Variants in RBFOX1 observed in about 807,000 individuals in gnomAD.
RBFOX1 encodes RNA binding protein fox-1 homolog 1.
In RBFOX1, 8 loss-of-function variants were observed where a neutral mutation model predicts 57.7. The ratio of observed to expected loss-of-function variants is 0.14; its 90% confidence interval spans 0.08 to 0.25. The LOEUF (loss-of-function observed/expected upper bound fraction) is 0.25, where lower values mean the gene tolerates loss of function less well. Among genes scored for constraint, RBFOX1 ranks in the 10% least tolerant of loss-of-function variants. The pLI is 1.00. For missense variants in RBFOX1, 611 were observed against 548.5 expected, an observed-to-expected ratio of 1.11 and a Z score of -1.14; for synonymous variants, 326 against 222.4, an observed-to-expected ratio of 1.47 and a Z score of -4.15.
chr16:7,298,087 T>C (rs2095938326), intron 4 of RBFOX1, among the ~76,000 whole-genome samples: 1 of 152,154 alleles, frequency 6.6e-6, no homozygotes, highest in African/African-American at 2.4e-5. Flanking sequence ...GAGAATTTTC[T>C]TAGAGATTTT....
At chr16:5,769,346 G>A (rs1342147719) in intron 3 of RBFOX1, among the ~76,000 whole-genome samples, 2 of 151,898 alleles carry the variant, frequency 1.3e-5, no homozygotes, top group Non-Finnish European at 2.9e-5. Flanking sequence ...TCCTTATAAG[G>A]AGGAGAAATT....
At chr16:6,868,096 A>C (rs185135032) in intron 3 of RBFOX1, among the ~76,000 whole-genome samples, 2 of 152,320 alleles carry the variant, frequency 1.3e-5, no homozygotes, top group African/African-American at 4.8e-5. Flanking sequence ...TAATATGTGA[A>C]ATTTTGATCA....
At position 7,630,592 on chromosome 16, in the gene RBFOX1, C is replaced by G. The variant is rs749389051; in HGVS notation, c.677-11C>G. 1 of 1,614,076 alleles carries G rather than the reference C, an allele frequency of 6.2e-7. No homozygotes were observed. The highest frequency in any genetic ancestry group is 8.5e-7 in the Non-Finnish European group (1 of 1,180,030). The stretch of plus-strand genomic sequence containing the variant: ...CCCAAACCAGATACCATCTCTCTCT[C>G]TCTTTCGTAGGCACGGTCCTGTTGT... On this transcript the variant is annotated splice_polypyrimidine_tract_variant and intron_variant, in intron 10 of 15. Coordinates refer to ENST00000550418, the MANE Select transcript of RBFOX1 (RefSeq NM_018723.4).
chr16:7,500,566 A>T (rs2070411938), intron 4 of RBFOX1, among the ~76,000 whole-genome samples: 1 of 152,180 alleles, frequency 6.6e-6, no homozygotes, highest in South Asian at 2.1e-4. Context: ...ATGGATGAAA[A>T]TATCTTAGGG....
intron 4 of RBFOX1, among the ~76,000 whole-genome samples, chr16:7,446,594 T>TAC (rs1382030186): frequency 6.6e-6 from 1 of 152,046 alleles, no homozygotes; most frequent in Non-Finnish European, 1.5e-5. Context: ...TAGTGTCCTA[T>TAC]AGTTCTCTTT....
intron 2 of RBFOX1, among the ~76,000 whole-genome samples, chr16:6,646,940 C>T (rs898498967): frequency 2.0e-5 from 3 of 152,148 alleles, no homozygotes; most frequent in Admixed American, 6.5e-5. Flanking sequence ...CGTCCTAGGA[C>T]TGGGCCTTAC....
intron 3 of RBFOX1, among the ~76,000 whole-genome samples, chr16:6,876,705 C>G (rs549597189): frequency 8.7e-4 from 133 of 152,154 alleles, no homozygotes; most frequent in African/African-American, 3.2e-3. Flanking sequence ...AAGTTGTTAT[C>G]TGCCGTCTGA....
At chr16:5,984,718 C>G (rs2060246428) in intron 4 of RBFOX1, among the ~76,000 whole-genome samples, 1 of 152,026 alleles carries the variant, frequency 6.6e-6, no homozygotes, top group African/African-American at 2.4e-5. Flanking sequence ...GGGAACATCA[C>G]AGAAGGCACT....
At chr16:5,972,426 C>T (rs573150112) in intron 4 of RBFOX1, among the ~76,000 whole-genome samples, 41 of 152,320 alleles carry the variant, frequency 2.7e-4, no homozygotes, top group East Asian at 2.5e-3. Flanking sequence ...AGAAACCTCT[C>T]ATTATGTGTC....
intron 3 of RBFOX1, among the ~76,000 whole-genome samples, chr16:5,711,666 G>T (rs186273995): frequency 6.6e-6 from 1 of 152,170 alleles, no homozygotes; most frequent in African/African-American, 2.4e-5. Flanking sequence ...ATCTTAAAGG[G>T]CCTTGCATGC....
intron 2 of RBFOX1, among the ~76,000 whole-genome samples, chr16:6,509,911 C>G (rs1217438536): frequency 6.6e-6 from 1 of 151,996 alleles, no homozygotes; most frequent in African/African-American, 2.4e-5. Context: ...AAACTATATC[C>G]CTGATAATGC....
chr16:6,193,382 T>TATATATA (rs1567650867), intron 1 of RBFOX1, among the ~76,000 whole-genome samples: 8 of 61,980 alleles, frequency 1.3e-4, no homozygotes, highest in Admixed American at 2.2e-4. Flanking sequence ...ATATACATTA[T>TATATATA]ATATATATAC....
At chr16:5,871,515 A>G (rs1196978014) in intron 4 of RBFOX1, among the ~76,000 whole-genome samples, 3 of 152,160 alleles carry the variant, frequency 2.0e-5, no homozygotes, top group African/African-American at 7.2e-5. Context: ...TTTTATCGCA[A>G]AAACGCATAC....
At chr16:7,673,546 G>C (rs1051630703) in intron 13 of RBFOX1, among the ~76,000 whole-genome samples, 1 of 152,082 alleles carries the variant, frequency 6.6e-6, no homozygotes, top group Non-Finnish European at 1.5e-5. Flanking sequence ...ATCTCTAGTA[G>C]TAATAAGAGA....
intron 3 of RBFOX1, among the ~76,000 whole-genome samples, chr16:6,656,424 A>G (rs940602526): frequency 7.9e-5 from 12 of 152,174 alleles, no homozygotes; most frequent in African/African-American, 2.7e-4. Flanking sequence ...GCTCTGGGCA[A>G]GGAGAGTCAC....
At chr16:6,950,998 T>C (rs1227508350) in intron 3 of RBFOX1, among the ~76,000 whole-genome samples, 1 of 152,032 alleles carries the variant, frequency 6.6e-6, no homozygotes, top group Non-Finnish European at 1.5e-5. Context: ...CTCAAACTTC[T>C]AGGCTCCAGC....
At chr16:6,737,214 C>G (rs1172621664) in intron 3 of RBFOX1, among the ~76,000 whole-genome samples, 1 of 152,108 alleles carries the variant, frequency 6.6e-6, no homozygotes, top group Non-Finnish European at 1.5e-5. Flanking sequence ...AAAAATAACT[C>G]AATGTAATTT....
chr16:6,084,668 G>A (rs889701), intron 1 of RBFOX1, among the ~76,000 whole-genome samples: 69,515 of 151,984 alleles, frequency 0.46, 16,561 homozygotes, highest in Non-Finnish European at 0.55. Context: ...TCTCTCTCTC[G>A]TTTTCTATGA....
intron 3 of RBFOX1, among the ~76,000 whole-genome samples, chr16:6,987,821 G>T (rs1326275117): frequency 6.6e-6 from 1 of 152,184 alleles, no homozygotes; most frequent in Non-Finnish European, 1.5e-5. Context: ...TCCGTGGAGT[G>T]ACAGAAGAGA....
Sources: allele counts gnomAD v4.1 joint callset (sites outside exome capture counted in the v4.1 genomes callset), GRCh38; gene constraint gnomAD v4.1.1; transcripts MANE v1.5; gene names NCBI Gene and HGNC (gene_info 2026-07-23, HGNC 2026-07-21).